CADM2: variants seen among roughly 807,000 people sequenced by gnomAD.
CADM2 encodes the protein immunoglobulin superfamily member 4D.
In CADM2, 12 loss-of-function variants were observed where a neutral mutation model predicts 49.8. That is an observed-to-expected ratio of 0.24 (90% CI 0.15 to 0.39). The LOEUF is 0.39. CADM2 is among the 10% of genes least tolerant of loss of function. The pLI, the probability that CADM2 is intolerant of heterozygous loss-of-function variation, is 1.00. For missense variants in CADM2, 378 were observed against 492.3 expected (o/e 0.77, Z 2.20); for synonymous variants, 214 against 175.4 (o/e 1.22, Z -1.74).
At chr3:85,728,359 AT>A (rs1043643425) in intron 2 of CADM2, among the ~76,000 whole-genome samples, 2 of 152,138 alleles carry the variant, frequency 1.3e-5, no homozygotes, top group African/African-American at 4.8e-5. Context: ...GCATGCTTAT[AT>A]TTTTGCATCT....
chr3:85,713,351 G>A (rs2067177919), intron 1 of CADM2, among the ~76,000 whole-genome samples: 1 of 152,078 alleles, frequency 6.6e-6, no homozygotes, highest in Non-Finnish European at 1.5e-5. Flanking sequence ...GTTTCGTCAT[G>A]TTGGCCAGGC....
chr3:85,400,509 G>A (rs992280675), intron 1 of CADM2, among the ~76,000 whole-genome samples: 1 of 152,146 alleles, frequency 6.6e-6, no homozygotes, highest in African/African-American at 2.4e-5. Flanking sequence ...GATTGGAGTA[G>A]TTTCAGAAGG....
At chr3:85,708,565 A>T (rs536984617) in intron 1 of CADM2, among the ~76,000 whole-genome samples, 1 of 152,316 alleles carries the variant, frequency 6.6e-6, no homozygotes, top group South Asian at 2.1e-4. Context: ...GTGATGCAAC[A>T]GTGTAAGCAA....
At chr3:85,263,229 G>A (rs2043051550) in intron 1 of CADM2, among the ~76,000 whole-genome samples, 1 of 151,988 alleles carries the variant, frequency 6.6e-6, no homozygotes, top group Non-Finnish European at 1.5e-5. Context: ...CTGAGCTCAA[G>A]TAATCTGCCC....
At chr3:85,707,157 A>G (rs764383978) in intron 1 of CADM2, among the ~76,000 whole-genome samples, 2 of 151,936 alleles carry the variant, frequency 1.3e-5, no homozygotes, top group Non-Finnish European at 2.9e-5. Context: ...TATGTTTTAT[A>G]TTAATATTTA....
At chr3:85,075,410 G>A (rs1385362726) in intron 1 of CADM2, among the ~76,000 whole-genome samples, 1 of 151,952 alleles carries the variant, frequency 6.6e-6, no homozygotes, top group Non-Finnish European at 1.5e-5. Context: ...TCATTTAAGA[G>A]GGGAATATTT....
chr3:85,384,663 C>CA (rs879300044), intron 1 of CADM2, among the ~76,000 whole-genome samples: 9 of 145,754 alleles, frequency 6.2e-5, no homozygotes, highest in Non-Finnish European at 1.0e-4. Flanking sequence ...AATATTTTGT[C>CA]AAAAAAAATG....
intron 1 of CADM2, among the ~76,000 whole-genome samples, chr3:84,983,456 T>C (rs2032334576): frequency 6.6e-6 from 1 of 152,090 alleles, no homozygotes; most frequent in African/African-American, 2.4e-5. Context: ...CAATTTTTAA[T>C]AAAATAAATT....
intron 1 of CADM2, among the ~76,000 whole-genome samples, chr3:85,306,977 T>C (rs755276476): frequency 1.3e-5 from 2 of 151,640 alleles, no homozygotes; most frequent in Non-Finnish European, 3.0e-5. Flanking sequence ...GATTTAACTG[T>C]TACTCCCTTT....
chr3:85,632,456 C>T (rs111270103), intron 1 of CADM2, among the ~76,000 whole-genome samples: 1 of 152,160 alleles, frequency 6.6e-6, no homozygotes, highest in Admixed American at 6.6e-5. Context: ...CAGAATAATG[C>T]GTCGAGAGCT....
At chr3:85,314,748 G>C (rs1376368201) in intron 1 of CADM2, among the ~76,000 whole-genome samples, 2 of 152,014 alleles carry the variant, frequency 1.3e-5, no homozygotes, top group Admixed American at 6.6e-5. Flanking sequence ...TTGAACTCTG[G>C]GGTGAAGCAC....
intron 1 of CADM2, among the ~76,000 whole-genome samples, chr3:85,454,644 T>A (rs1052648462): frequency 5.3e-5 from 8 of 152,168 alleles, no homozygotes; most frequent in African/African-American, 1.9e-4. Flanking sequence ...CAGTCAATTT[T>A]TTTTGCCCAC....
chr3:85,808,944 C>T (rs539051757), intron 3 of CADM2, among the ~76,000 whole-genome samples: 4 of 152,270 alleles, frequency 2.6e-5, no homozygotes, highest in African/African-American at 9.6e-5. Flanking sequence ...TCTCCTGGCT[C>T]TATGCCAATC....
chr3:85,530,471 C>T (rs1209196218), intron 1 of CADM2, among the ~76,000 whole-genome samples: 2 of 151,674 alleles, frequency 1.3e-5, no homozygotes, highest in African/African-American at 4.8e-5. Flanking sequence ...GCTGGGACTA[C>T]AGGCGCCCGC....
At chr3:85,592,201 C>T (rs1294036158) in intron 1 of CADM2, among the ~76,000 whole-genome samples, 1 of 151,762 alleles carries the variant, frequency 6.6e-6, no homozygotes, top group Non-Finnish European at 1.5e-5. Flanking sequence ...ATATTATTAT[C>T]TAATGCAAAC....
chr3:85,680,668 T>A (rs2066014623), intron 1 of CADM2, among the ~76,000 whole-genome samples: 1 of 152,212 alleles, frequency 6.6e-6, no homozygotes, highest in African/African-American at 2.4e-5. Context: ...ATTATTTTAA[T>A]AGAACTTTGC....
At chr3:85,902,486 G>T (rs1716259077) in intron 5 of CADM2, among the ~76,000 whole-genome samples, 1 of 151,392 alleles carries the variant, frequency 6.6e-6, no homozygotes, top group African/African-American at 2.4e-5. Flanking sequence ...TCGGCTTTTT[G>T]ATTGAATTTT....
Position 85,418,219 on chromosome 3 carries a change from T to A in CADM2, c.62-308303T>A, listed in dbSNP as rs949735952. On this transcript the variant is annotated intron_variant, in intron 1 of 9. Coordinates refer to ENST00000383699, the MANE Select transcript of CADM2 (RefSeq NM_001167675.2). ...GCATAATAAAGTAATGGTAGCTACC[T>A]ATCATACATTTGTCAAAATCCATAG... is the stretch of plus-strand genomic sequence containing the variant. Among the ~76,000 whole-genome samples the A allele has an allele frequency of 3.1e-5, 3 of 97,296 alleles. No homozygotes were observed. The Admixed American group carries it at 3.4e-4, about 11-fold the overall frequency. 63.8% of individuals were successfully genotyped at this position (97,296 alleles called of 152,430 possible). A position where few individuals can be genotyped will look rare whatever the true frequency, so the allele number is the denominator to read the frequency against.
rs1553656804 is a variant in CADM2, at chr3:85,659,053, A to AAATAATCATAATAATAAT, written c.62-67463_62-67462insCATAATAATAATAATAAT. On this transcript the variant is annotated intron_variant, in intron 1 of 9. Coordinates refer to ENST00000383699, the MANE Select transcript of CADM2 (RefSeq NM_001167675.2). ...GGCAACAGAGTGAGACTCTGTCTCTAAATAATAATAATAATAATAATAATA... is the reference window on the plus strand; with the variant it reads ...GGCAACAGAGTGAGACTCTGTCTCTAAATAATCATAATAATAATAATAATAATAATAATAATAATAATA... Among the ~76,000 whole-genome samples the AAATAATCATAATAATAAT allele has an allele frequency of 1.4e-4, 20 of 140,070 alleles. No individual in the cohort carries two copies. The Admixed American group carries it at 1.5e-3, about 10-fold the overall frequency. 91.9% of individuals were successfully genotyped at this position (140,070 alleles called of 152,430 possible).
Sources: gnomAD v4.1 joint callset for allele counts (sites outside exome capture counted in the v4.1 genomes callset) on GRCh38, gnomAD v4.1.1 for gene constraint, MANE v1.5 for transcripts, NCBI Gene and HGNC (gene_info 2026-07-23, HGNC 2026-07-21) for gene names.